TBCA: variants seen among roughly 807,000 people sequenced by gnomAD.
The protein encoded by TBCA is tubulin-specific chaperone A.
TBCA carries 6 observed loss-of-function variants against 15.8 expected under a neutral mutation model. That is an observed-to-expected ratio of 0.38 (90% CI 0.21 to 0.75). TBCA has a LOEUF of 0.75. Ranked by LOEUF, TBCA falls within the 30% of genes least tolerant of loss-of-function variation. The probability of loss-of-function intolerance (pLI) is 0.46; values close to 1 mark genes in which losing one functional copy is unlikely to be tolerated. For missense variants in TBCA, 90 were observed against 131.2 expected (o/e 0.69, Z 1.53); for synonymous variants, 32 against 42.3 (o/e 0.76, Z 0.94).
chr5:77,751,560 T>G lies in TBCA; in HGVS notation c.53+24645A>C, dbSNP rs574914330. ...AAGATGGTTGGGGGTGGGGGAGGGT[T>G]CCAATTTTATTTTTGATTTACATTC... On this transcript the variant is annotated intron_variant, in intron 1 of 3. Coordinates refer to ENST00000380377, the MANE Select transcript of TBCA (RefSeq NM_004607.3). Among the ~76,000 whole-genome samples, 214 of 151,896 alleles carry G rather than the reference T, an allele frequency of 1.4e-3. No individual in the cohort carries two copies. The Middle Eastern group carries it at 0.027, about 19-fold the overall frequency.
chr5:77,774,772 T>C (rs2112525311), intron 1 of TBCA, among the ~76,000 whole-genome samples: 1 of 152,236 alleles, frequency 6.6e-6, no homozygotes, highest in East Asian at 1.9e-4. Flanking sequence ...CAAAATAAAC[T>C]TCTAAACTGA....
chr5:77,698,410 A>G (rs1745924578), intron 2 of TBCA, among the ~76,000 whole-genome samples: 2 of 152,340 alleles, frequency 1.3e-5, no homozygotes, highest in South Asian at 4.1e-4. Context: ...AATTACTTAA[A>G]TAGTCCTATT....
chr5:77,701,722 T>C (rs903832770), intron 2 of TBCA, among the ~76,000 whole-genome samples: 2 of 137,998 alleles, frequency 1.4e-5, no homozygotes, highest in Non-Finnish European at 3.1e-5. Flanking sequence ...TATATATATA[T>C]ATATGATGGA....
At chr5:77,771,252 C>A (rs1212232266) in intron 1 of TBCA, among the ~76,000 whole-genome samples, 1 of 151,742 alleles carries the variant, frequency 6.6e-6, no homozygotes, top group Non-Finnish European at 1.5e-5. Flanking sequence ...TCACAGGGTA[C>A]CCTGTAAATA....
chr5:77,693,442 GA>G (rs1335463695), intron 2 of TBCA, 90 bp from the exon 3 acceptor site: 9 of 1,403,916 alleles, frequency 6.4e-6, no homozygotes, highest in Middle Eastern at 3.7e-4. Context: ...TTATTAAGAG[GA>G]ATCAGAAAAA....
At chr5:77,760,470 TG>T (rs1747590847) in intron 1 of TBCA, among the ~76,000 whole-genome samples, 1 of 152,148 alleles carries the variant, frequency 6.6e-6, no homozygotes, top group Non-Finnish European at 1.5e-5. Flanking sequence ...TTGCCAAGGC[TG>T]GACTGTACTG....
chr5:77,713,805 G>A (rs1355580795), intron 1 of TBCA, among the ~76,000 whole-genome samples: 2 of 152,002 alleles, frequency 1.3e-5, no homozygotes, highest in African/African-American at 4.8e-5. Context: ...AAATTAAAAT[G>A]AGAGAAATGA....
chr5:77,756,021 CAAA>C (rs78531341), intron 1 of TBCA, among the ~76,000 whole-genome samples: 14 of 151,432 alleles, frequency 9.2e-5, no homozygotes, highest in Non-Finnish European at 1.8e-4. Context: ...ACAACAACAA[CAAA>C]AAAAAAAACA....
intron 1 of TBCA, among the ~76,000 whole-genome samples, chr5:77,771,790 G>C (rs2112521683): frequency 6.6e-6 from 1 of 152,272 alleles, no homozygotes; most frequent in South Asian, 2.1e-4. Context: ...TGAGTCACCT[G>C]AAGTGTTCCA....
At chr5:77,755,909 C>A (rs934917339) in intron 1 of TBCA, among the ~76,000 whole-genome samples, 2 of 151,510 alleles carry the variant, frequency 1.3e-5, no homozygotes, top group Admixed American at 6.6e-5. Flanking sequence ...GAGGCTGAGG[C>A]GGGAGGATAG....
chr5:77,769,682 A>T (rs1747863033), intron 1 of TBCA, among the ~76,000 whole-genome samples: 1 of 151,450 alleles, frequency 6.6e-6, no homozygotes, highest in Non-Finnish European at 1.5e-5. Flanking sequence ...AAAAAAAAAA[A>T]TCAATACAAT....
intron 1 of TBCA, among the ~76,000 whole-genome samples, chr5:77,719,523 C>A (rs986828094): frequency 1.2e-4 from 19 of 152,104 alleles, no homozygotes; most frequent in African/African-American, 3.9e-4. Context: ...GTATTTGTTA[C>A]CTTATAGTTT....
intron 1 of TBCA, among the ~76,000 whole-genome samples, chr5:77,762,555 T>G (rs964661076): frequency 1.3e-5 from 2 of 152,194 alleles, no homozygotes; most frequent in African/African-American, 4.8e-5. Context: ...ATTCAATCTT[T>G]CTTTAGAAAT....
At chr5:77,728,216 C>A (rs960238829) in intron 1 of TBCA, among the ~76,000 whole-genome samples, 18 of 152,038 alleles carry the variant, frequency 1.2e-4, no homozygotes, top group Non-Finnish European at 4.4e-5. Context: ...GTAGCAGGCA[C>A]CTCTACCTAA....
At chr5:77,721,302 T>C (rs1746523096) in intron 1 of TBCA, among the ~76,000 whole-genome samples, 1 of 152,182 alleles carries the variant, frequency 6.6e-6, no homozygotes, top group Non-Finnish European at 1.5e-5. Context: ...TTCGGATTAT[T>C]AGCATTATAC....
chr5:77,723,085 C>G (rs563234665), intron 1 of TBCA, among the ~76,000 whole-genome samples: 1 of 151,418 alleles, frequency 6.6e-6, no homozygotes, highest in East Asian at 1.9e-4. Context: ...TGTGTATTAT[C>G]AAGAAAAATA....
intron 1 of TBCA, among the ~76,000 whole-genome samples, chr5:77,754,545 A>T (rs1293639030): frequency 6.6e-6 from 1 of 152,224 alleles, no homozygotes; most frequent in Non-Finnish European, 1.5e-5. Context: ...ATTTATGAAA[A>T]CTGTGACAGT....
intron 1 of TBCA, among the ~76,000 whole-genome samples, chr5:77,726,353 T>C (rs1227747086): frequency 6.6e-6 from 1 of 152,244 alleles, no homozygotes; most frequent in Non-Finnish European, 1.5e-5. Context: ...CCACTGTTCG[T>C]TGAATTCTAT....
chr5:77,707,094 G>T (rs1746167281), intron 2 of TBCA, among the ~76,000 whole-genome samples: 1 of 151,890 alleles, frequency 6.6e-6, no homozygotes, highest in Non-Finnish European at 1.5e-5. Context: ...GTGGTAACTT[G>T]TGTCAGATGC....
Sources: allele counts gnomAD v4.1 joint callset (sites outside exome capture counted in the v4.1 genomes callset), GRCh38; gene constraint gnomAD v4.1.1; transcripts MANE v1.5; gene names NCBI Gene and HGNC (gene_info 2026-07-23, HGNC 2026-07-21).